The following EPC1 variants were observed in gnomAD, a reference collection of about 807,000 sequenced individuals.
The protein encoded by EPC1 is enhancer of polycomb homolog 1.
In EPC1, 12 loss-of-function variants were observed where a neutral mutation model predicts 98.4. That is an observed-to-expected ratio of 0.12 (90% CI 0.08 to 0.20). The LOEUF (loss-of-function observed/expected upper bound fraction) is 0.20, where lower values mean the gene tolerates loss of function less well. EPC1 is among the 10% of genes least tolerant of loss of function. The pLI is 1.00. For synonymous variants in EPC1, 357 were observed against 363.9 expected (o/e 0.98, Z 0.21); for missense variants, 729 against 990.5 (o/e 0.74, Z 3.54).
At chr10:32,373,484 C>A (rs1373039820) in intron 1 of EPC1, among the ~76,000 whole-genome samples, 1 of 152,142 alleles carries the variant, frequency 6.6e-6, no homozygotes, top group African/African-American at 2.4e-5. Flanking sequence ...AAATATTCAG[C>A]AGATGTTCAC....
Position 32,284,822 on chromosome 10 carries a change from G to A in EPC1, c.1620C>T (p.Asp540=), listed in dbSNP as rs756652670. The change falls in exon 10 of 14, where the codon GAC becomes GAT. Residue 540 remains aspartate, a synonymous_variant. Coordinates refer to ENST00000319778, the MANE Select transcript of EPC1 (RefSeq NM_001272004.3). ...RPRTPSLHDS[D]NDELSCRKLY... Reference sequence around the variant, plus strand: ...ATTTTCTACAGGAGAGTTCATCATTGTCACTGTCATGTAGGGATGGTGTCC... The same window carrying A: ...ATTTTCTACAGGAGAGTTCATCATTATCACTGTCATGTAGGGATGGTGTCC... The A allele has an allele frequency of 3.1e-6, 5 of 1,614,148 alleles. No homozygotes were observed. Among genetic ancestry groups the A allele is most frequent in the Non-Finnish European group, 4.2e-6 (5 of 1,180,016 alleles).
rs577110847 is a variant in EPC1 at position 32,284,848 on chromosome 10, G to A, written c.1594C>T (p.Arg532Trp). ...KSCRWRHFRP[R>W]TPSLHDSDND... Reference sequence around the variant, plus strand: ...TCACTGTCATGTAGGGATGGTGTCCGAGGCCTAAAATGCCGCCATCTACAT... The same window carrying A: ...TCACTGTCATGTAGGGATGGTGTCCAAGGCCTAAAATGCCGCCATCTACAT... The change falls in exon 10 of 14, where the codon CGG (arginine) becomes TGG (tryptophan). Residue 532 changes from arginine to tryptophan, a missense_variant. Physicochemically the swap from Arg to Trp is moderately radical, Grantham distance 101. Transcript: ENST00000319778. The A allele has an allele frequency of 1.4e-5, 23 of 1,614,178 alleles. No homozygotes were observed. The South Asian group carries it at 1.8e-4, about 12-fold the overall frequency.
chr10:32,341,315 G>A (rs1446939193), intron 1 of EPC1, among the ~76,000 whole-genome samples: 1 of 116,946 alleles, frequency 8.6e-6, no homozygotes, highest in Non-Finnish European at 1.9e-5. Context: ...ATGGACACAT[G>A]TCTGTGTGTG....
intron 6 of EPC1, 108 bp from the exon 7 acceptor site, chr10:32,287,382 T>C (rs1592549734): frequency 2.8e-6 from 3 of 1,086,360 alleles, no homozygotes; most frequent in East Asian, 2.4e-5. Flanking sequence ...AGGGCATTCA[T>C]ATTCATAAGA....
chr10:32,285,421 T>G (rs1259328342), intron 9 of EPC1: 1 of 192,584 alleles, frequency 5.2e-6, no homozygotes, highest in Non-Finnish European at 1.1e-5. Context: ...ACATTTCTTA[T>G]AGACAAAATA....
At chr10:32,282,510 T>TCA (rs1564522787) in intron 10 of EPC1, 5 of 152,004 alleles carry the variant, frequency 3.3e-5, no homozygotes, top group Non-Finnish European at 5.9e-5. Context: ...CAGAGAAAGA[T>TCA]CCTGTCTTAA....
intron 10 of EPC1, among the ~76,000 whole-genome samples, chr10:32,276,617 T>C (rs1178219016): frequency 6.6e-6 from 1 of 152,206 alleles, no homozygotes; most frequent in Non-Finnish European, 1.5e-5. Flanking sequence ...TTCTGAGAAA[T>C]AAAGTTCAAT....
Position 32,269,025 on chromosome 10 carries a change from TA to T in EPC1, c.*37del. 1 of 1,571,562 alleles carries T rather than the reference TA, an allele frequency of 6.4e-7. No homozygotes were observed. Among genetic ancestry groups the T allele is most frequent in the East Asian group, 2.2e-5 (1 of 44,612 alleles). Reference sequence around the variant, plus strand: ...CAAAATGCTACTGATGCATAGCACCTAATCAAGTCCCCAGGCTGCAGTTCCA... The same window carrying T: ...CAAAATGCTACTGATGCATAGCACCTATCAAGTCCCCAGGCTGCAGTTCCA... On this transcript the variant is annotated 3_prime_UTR_variant, in exon 14 of 14. Transcript: ENST00000319778.
At chr10:32,289,219 A>G (rs902207247) in intron 6 of EPC1, among the ~76,000 whole-genome samples, 1 of 152,202 alleles carries the variant, frequency 6.6e-6, no homozygotes, top group Non-Finnish European at 1.5e-5. Flanking sequence ...TGAGTAAACT[A>G]AAACAGTATT....
chr10:32,338,926 A>G (rs1364861907), intron 1 of EPC1, among the ~76,000 whole-genome samples: 1 of 146,368 alleles, frequency 6.8e-6, no homozygotes. Flanking sequence ...CAACAGAGGG[A>G]GACCTTGTCT....
At chr10:32,350,825 C>G (rs1305325371), upstream of EPC1, among the ~76,000 whole-genome samples, 1 of 152,202 alleles carries the variant, frequency 6.6e-6, no homozygotes, top group African/African-American at 2.4e-5. Flanking sequence ...AAATACAGCT[C>G]TAAATAGTAG....
chr10:32,357,829 T>C (rs964410930), intron 1 of EPC1, among the ~76,000 whole-genome samples: 1 of 151,870 alleles, frequency 6.6e-6, no homozygotes, highest in Non-Finnish European at 1.5e-5. Context: ...CAGTTTATTC[T>C]GTTTTGTGGC....
At chr10:32,368,293 C>T (rs1483243899) in intron 1 of EPC1, among the ~76,000 whole-genome samples, 1 of 152,176 alleles carries the variant, frequency 6.6e-6, no homozygotes, top group Non-Finnish European at 1.5e-5. Flanking sequence ...CTGTGTTAGT[C>T]CAAGCTACTC....
At chr10:32,330,391 C>G (rs1837570992) in intron 1 of EPC1, among the ~76,000 whole-genome samples, 1 of 152,190 alleles carries the variant, frequency 6.6e-6, no homozygotes, top group Non-Finnish European at 1.5e-5. Flanking sequence ...AGTCTGAATA[C>G]ATTAAGCTGA....
chr10:32,287,147 T>C lies in EPC1; in HGVS notation c.1103A>G (p.Asp368Gly). The change falls in exon 7 of 14, where the codon GAT becomes GGT. Residue 368 changes from aspartate to glycine, a missense_variant. Transcript: ENST00000319778. ...GCTGGGAAAGTCATACTGATTCAGA[T>C]CTTTAGCATTGAAGACTGGCAGTGC... ...PAALPVFNAK[D>G]LNQYDFPSSD... 1 of 1,614,194 alleles carries C rather than the reference T, an allele frequency of 6.2e-7. No homozygotes were observed. Among genetic ancestry groups the C allele is most frequent in the Non-Finnish European group, 8.5e-7 (1 of 1,180,040 alleles).
At chr10:32,280,347 G>T (rs1836341183) in intron 10 of EPC1, among the ~76,000 whole-genome samples, 1 of 151,886 alleles carries the variant, frequency 6.6e-6, no homozygotes, top group Non-Finnish European at 1.5e-5. Flanking sequence ...AGCTACTTGG[G>T]AGGCTGAGGC....
chr10:32,271,894 T>C lies in EPC1; in HGVS notation c.2029A>G (p.Ser677Gly). 1 of 1,614,086 alleles carries C rather than the reference T, an allele frequency of 6.2e-7. No individual in the cohort carries two copies. Residue 677 changes from serine to glycine, a missense_variant, in exon 13 of 14, where the codon AGT becomes GGT. Physicochemically the swap from Ser to Gly is moderately conservative, Grantham distance 56. This residue lies in a region of EPC1 where 156 missense variants were observed against 188.9 expected (regional missense o/e 0.83). Transcript: ENST00000319778. ...ASGVYKGLHL[S>G]STTPTALVHT... ...ACAAGTGCTGTTGGTGTAGTACTACTGAGGTGTAAGCCCTTGTATACTCCT... is the reference window on the plus strand; with the variant it reads ...ACAAGTGCTGTTGGTGTAGTACTACCGAGGTGTAAGCCCTTGTATACTCCT...
chr10:32,287,154 C>G lies in EPC1; in HGVS notation c.1096G>C (p.Ala366Pro). ...TSPAALPVFN[A>P]KDLNQYDFPS... Reference sequence around the variant, plus strand: ...AAGTCATACTGATTCAGATCTTTAGCATTGAAGACTGGCAGTGCAGCAGGA... The same window carrying G: ...AAGTCATACTGATTCAGATCTTTAGGATTGAAGACTGGCAGTGCAGCAGGA... The change falls in exon 7 of 14, where the codon GCT becomes CCT. Residue 366 changes from alanine to proline, a missense_variant. Ala to Pro is a conservative substitution (Grantham distance 27). Coordinates refer to ENST00000319778, the MANE Select transcript of EPC1 (RefSeq NM_001272004.3). The G allele has an allele frequency of 6.2e-7, 1 of 1,614,148 alleles. No homozygotes were observed. The highest frequency in any genetic ancestry group is 8.5e-7 in the Non-Finnish European group (1 of 1,180,036).
chr10:32,286,612 G>A, intron 9 of EPC1, 82 bp downstream of exon 9: 1 of 1,504,728 alleles, frequency 6.6e-7, no homozygotes, highest in Non-Finnish European at 9.1e-7. Context: ...GTTGTTCAGA[G>A]GGATTACCTG....
Sources: allele counts gnomAD v4.1 joint callset (sites outside exome capture counted in the v4.1 genomes callset), GRCh38; gene constraint gnomAD v4.1.1; regional missense constraint gnomAD v4.1.1; transcripts MANE v1.5; gene names NCBI Gene and HGNC (gene_info 2026-07-23, HGNC 2026-07-21).